LPCAT3: variants seen among roughly 807,000 people sequenced by gnomAD.
LPCAT3 encodes the protein lysophosphatidylcholine acyltransferase 3.
LPCAT3 carries 21 observed loss-of-function variants against 63.4 expected under a neutral mutation model. The observed-to-expected ratio is 0.33, with a 90% CI of 0.23 to 0.48. The LOEUF (loss-of-function observed/expected upper bound fraction) is 0.48. Ranked by LOEUF, LPCAT3 falls within the 20% of genes least tolerant of loss-of-function variation. LPCAT3 has a pLI of 0.99. For synonymous variants in LPCAT3, 242 were observed against 227.5 expected (o/e 1.06, Z -0.58); for missense variants, 451 against 590.6 (o/e 0.76, Z 2.45).
chr12:6,982,121 C>T (rs1303749675), intron 3 of LPCAT3, among the ~76,000 whole-genome samples: 1 of 152,068 alleles, frequency 6.6e-6, no homozygotes. Context: ...AATTTAGATG[C>T]TGGGACCACA....
At chr12:6,989,566 G>A (rs1182997947) in intron 1 of LPCAT3, among the ~76,000 whole-genome samples, 1 of 152,076 alleles carries the variant, frequency 6.6e-6, no homozygotes, top group Non-Finnish European at 1.5e-5. Flanking sequence ...CCAAAGTGCT[G>A]GGATTACAAG....
At chr12:6,993,061 AG>A (rs1181809298) in intron 1 of LPCAT3, among the ~76,000 whole-genome samples, 1 of 152,156 alleles carries the variant, frequency 6.6e-6, no homozygotes, top group African/African-American at 2.4e-5. Flanking sequence ...GACTATACAC[AG>A]TTTCCTGGAT....
Position 6,987,748 on chromosome 12 carries a change from CT to C in LPCAT3, c.152-4210del. The stretch of plus-strand genomic sequence containing the variant: ...AAAAACACCACACATATTACTCTGC[CT>C]CTTTAAGTTGAATCTAATTTAACAT... On this transcript the variant is annotated intron_variant, in intron 1 of 12. Transcript: ENST00000261407. The surrounding 1 kb of genome is among the most constrained non-coding windows in gnomAD (Gnocchi z 4.1). 2.5e-6 allele frequency: 1 copy of C among 400,660 alleles called. No individual in the cohort carries two copies. 24.8% of individuals were successfully genotyped at this position (400,660 alleles called of 1,614,324 possible).
intron 1 of LPCAT3, among the ~76,000 whole-genome samples, chr12:7,003,718 C>T (rs914955996): frequency 9.3e-5 from 14 of 151,296 alleles, no homozygotes; most frequent in African/African-American, 2.4e-4. Context: ...GTCAGGAGAT[C>T]GAGACCATCC....
intron 2 of LPCAT3, 61 bp from the exon 3 acceptor site, chr12:6,982,843 A>T: frequency 9.3e-7 from 1 of 1,069,904 alleles, no homozygotes; most frequent in Non-Finnish European, 1.4e-6. Context: ...TGAGACTTCC[A>T]ATCACAACGT....
chr12:7,005,753 A>G (rs1946721445), intron 1 of LPCAT3, among the ~76,000 whole-genome samples: 1 of 152,208 alleles, frequency 6.6e-6, no homozygotes, highest in Admixed American at 6.5e-5. Context: ...CTGTCTATTC[A>G]TATCCATTTT....
At position 7,018,231 on chromosome 12, in the gene LPCAT3, C is replaced by T. The variant is rs782139138; in HGVS notation, c.151+43G>A. The stretch of plus-strand genomic sequence containing the variant: ...CTGTCCCCATTCCTCCCCTACTCCC[C>T]GGGGACTCCGCGAGGGGCGGAGGGA... On this transcript the variant is annotated intron_variant, in intron 1 of 12. Coordinates refer to ENST00000261407, the MANE Select transcript of LPCAT3 (RefSeq NM_005768.6). This position sits in a 1 kb window ranked among gnomAD's most constrained non-coding sequence, Gnocchi z 4.9. The T allele has an allele frequency of 7.7e-6, 12 of 1,566,214 alleles. No homozygotes were observed. Among genetic ancestry groups the T allele is most frequent in the Non-Finnish European group, 1.0e-5 (12 of 1,154,914 alleles).
chr12:7,014,546 G>A (rs1213740764), intron 1 of LPCAT3, among the ~76,000 whole-genome samples: 1 of 152,172 alleles, frequency 6.6e-6, no homozygotes, highest in Non-Finnish European at 1.5e-5. Context: ...CAGTGCAGCA[G>A]TCCACATAAG....
At chr12:7,007,266 G>C (rs1029672672) in intron 1 of LPCAT3, among the ~76,000 whole-genome samples, 1 of 151,630 alleles carries the variant, frequency 6.6e-6, no homozygotes, top group Non-Finnish European at 1.5e-5. Context: ...GGCCAGGCTG[G>C]TCTCAAACTC....
At position 6,977,757 on chromosome 12, in the gene LPCAT3, G is replaced by A; in HGVS notation, c.1041-12C>T. 1 of 1,613,838 alleles carries A rather than the reference G, an allele frequency of 6.2e-7. No homozygotes were observed. Among genetic ancestry groups the A allele is most frequent in the Non-Finnish European group, 8.5e-7 (1 of 1,179,970 alleles). Reference sequence around the variant, plus strand: ...GTTTGAAGATGTAGCTGGAGAAAAGGGTGGGTGGGGCGACCCTCAAACTGA... The same window carrying A: ...GTTTGAAGATGTAGCTGGAGAAAAGAGTGGGTGGGGCGACCCTCAAACTGA... On this transcript the variant is annotated splice_polypyrimidine_tract_variant and intron_variant, in intron 9 of 12. Coordinates refer to ENST00000261407, the MANE Select transcript of LPCAT3 (RefSeq NM_005768.6). This position sits in a 1 kb window ranked among gnomAD's most constrained non-coding sequence, Gnocchi z 4.5.
intron 1 of LPCAT3, among the ~76,000 whole-genome samples, chr12:7,015,484 G>T (rs782028327): frequency 2.6e-5 from 4 of 152,196 alleles, no homozygotes; most frequent in Admixed American, 1.3e-4. Context: ...AATAACCTTT[G>T]TAAGGGAAAC....
intron 5 of LPCAT3, 124 bp downstream of exon 5, chr12:6,981,471 A>G: frequency 1.0e-6 from 1 of 971,822 alleles, no homozygotes; most frequent in Admixed American, 1.7e-5. Flanking sequence ...TGAAAGGGAG[A>G]TTGCACAGGC....
At chr12:6,988,866 C>G (rs1224306562) in intron 1 of LPCAT3, among the ~76,000 whole-genome samples, 1 of 152,148 alleles carries the variant, frequency 6.6e-6, no homozygotes, top group Non-Finnish European at 1.5e-5. Flanking sequence ...GTGGCTCACG[C>G]CTGTAATCCC....
chr12:7,015,946 C>A (rs1268866704), intron 1 of LPCAT3, among the ~76,000 whole-genome samples: 1 of 152,138 alleles, frequency 6.6e-6, no homozygotes, highest in East Asian at 1.9e-4. Flanking sequence ...AAGTTGAATT[C>A]TTTATGTCAA....
At position 6,977,421 on chromosome 12, in the gene LPCAT3, G is replaced by C; in HGVS notation, c.1293C>G (p.Phe431Leu). ...YLVQQTIHWL[F>L]MGYSMTAFCL... ...AGAAGGCAGTCATGGAGTAACCCATGAAGAGCCAGTGGATGGTCTGTTGCA... is the reference window on the plus strand; with the variant it reads ...AGAAGGCAGTCATGGAGTAACCCATCAAGAGCCAGTGGATGGTCTGTTGCA... The change falls in exon 11 of 13, where the codon TTC becomes TTG. Residue 431 changes from phenylalanine (F) to leucine (L), a missense_variant. Coordinates refer to ENST00000261407, the MANE Select transcript of LPCAT3 (RefSeq NM_005768.6). The surrounding 1 kb of genome is among the most constrained non-coding windows in gnomAD (Gnocchi z 4.5). 6.2e-7 allele frequency: 1 copy of C among 1,614,206 alleles called. No homozygotes were observed. The highest frequency in any genetic ancestry group is 8.5e-7 in the Non-Finnish European group (1 of 1,180,040).
chr12:6,995,522 C>T (rs1239989793), intron 1 of LPCAT3, among the ~76,000 whole-genome samples: 1 of 151,870 alleles, frequency 6.6e-6, no homozygotes, highest in Non-Finnish European at 1.5e-5. Flanking sequence ...TCTCTGTTAT[C>T]TAGTCATGAA....
At position 6,999,916 on chromosome 12, in the gene LPCAT3, C is replaced by CTTTTTT. The variant is rs782553121; in HGVS notation, c.152-16383_152-16378dup. Among the ~76,000 whole-genome samples, 28 of 114,530 alleles carry CTTTTTT rather than the reference C, an allele frequency of 2.4e-4. 1 individual carries two copies. Among genetic ancestry groups the CTTTTTT allele is most frequent in the Non-Finnish European group, 3.2e-4 (18 of 56,792 alleles). 75.1% of individuals were successfully genotyped at this position (114,530 alleles called of 152,430 possible). ...GCAGCTTGGGCAAATTACTTACATT[C>CTTTTTT]TTTTTTTTTTTTTTTTTTTTTGAGA... is the stretch of plus-strand genomic sequence containing the variant. On this transcript the variant is annotated intron_variant, in intron 1 of 12. Transcript: ENST00000261407.
At chr12:6,990,699 G>T (rs756674152) in intron 1 of LPCAT3, among the ~76,000 whole-genome samples, 1 of 151,212 alleles carries the variant, frequency 6.6e-6, no homozygotes, top group Admixed American at 6.6e-5. Context: ...GAGGTGGGTG[G>T]ATCACTTGAG....
At chr12:7,003,567 A>G (rs1946704618) in intron 1 of LPCAT3, among the ~76,000 whole-genome samples, 1 of 152,164 alleles carries the variant, frequency 6.6e-6, no homozygotes, top group Non-Finnish European at 1.5e-5. Flanking sequence ...ACTGAGTTTC[A>G]TAAGCCATTT....
Sources: gnomAD v4.1 joint callset for allele counts (sites outside exome capture counted in the v4.1 genomes callset) on GRCh38, gnomAD v4.1.1 for gene constraint, Gnocchi (gnomAD v3.1) non-coding constraint, MANE v1.5 for transcripts, NCBI Gene and HGNC (gene_info 2026-07-23, HGNC 2026-07-21) for gene names.